STAB2: variants seen among roughly 807,000 people sequenced by gnomAD.
STAB2 encodes stabilin-2.
In STAB2, 288 loss-of-function variants were observed where a neutral mutation model predicts 338.1. The ratio of observed to expected loss-of-function variants is 0.85; its 90% confidence interval spans 0.77 to 0.94. The LOEUF is 0.94. Ranked by LOEUF, STAB2 falls within the 40% of genes least tolerant of loss-of-function variation. The pLI, the probability that STAB2 is intolerant of heterozygous loss-of-function variation, is 0.00. For synonymous variants in STAB2, 1,202 were observed against 1,193.3 expected (o/e 1.01, Z -0.15); for missense variants, 3,141 against 3,210.1 (o/e 0.98, Z 0.52).
chr12:103,765,005 T>G (rs1251695545), intron 68 of STAB2, among the ~76,000 whole-genome samples: 1 of 146,884 alleles, frequency 6.8e-6, no homozygotes, highest in Non-Finnish European at 1.5e-5. Flanking sequence ...ACAGAATCGC[T>G]TGAACTGGGA....
chr12:103,688,277 T>A, intron 28 of STAB2, 62 bp downstream of exon 28: 1 of 1,548,730 alleles, frequency 6.5e-7, no homozygotes, highest in Non-Finnish European at 8.9e-7. Flanking sequence ...TTGGAATGCA[T>A]ACAATAGAAA....
chr12:103,613,772 C>T (rs1024784062), intron 3 of STAB2, among the ~76,000 whole-genome samples: 4 of 152,170 alleles, frequency 2.6e-5, no homozygotes, highest in Non-Finnish European at 4.4e-5. Flanking sequence ...CCGTCTTCTG[C>T]GTCGCTCATG....
intron 31 of STAB2, among the ~76,000 whole-genome samples, chr12:103,693,368 T>A (rs1193737870): frequency 1.3e-5 from 2 of 151,222 alleles, no homozygotes; most frequent in African/African-American, 4.9e-5. Context: ...GCCCAGGAGG[T>A]CAAGACTGCA....
chr12:103,759,090 C>T, intron 64 of STAB2, 43 bp from the exon 65 acceptor site: 1 of 1,613,932 alleles, frequency 6.2e-7, no homozygotes, highest in Non-Finnish European at 8.5e-7. Context: ...CAAAATATTG[C>T]TTGGCCTTTG....
intron 33 of STAB2, among the ~76,000 whole-genome samples, chr12:103,698,199 G>A (rs1878565135): frequency 6.6e-6 from 1 of 152,152 alleles, no homozygotes. Flanking sequence ...TTGCAAAGGA[G>A]AAATGTGGGA....
At chr12:103,745,738 G>T (rs909879024) in intron 57 of STAB2, among the ~76,000 whole-genome samples, 20 of 152,180 alleles carry the variant, frequency 1.3e-4, no homozygotes, top group Middle Eastern at 3.2e-3. Flanking sequence ...TCCTTAAAAA[G>T]AACTCCATGC....
rs11304361 is a variant in STAB2 at position 103,714,687 on chromosome 12, C to CA, written c.4537+934dup. ...GGGCGATGGAGTGAGACTCCATTTC[C>CA]AAAAAAAAAAAAAAACCATTTAGCC... On this transcript the variant is annotated intron_variant, in intron 42 of 68. Coordinates refer to ENST00000388887, the MANE Select transcript of STAB2 (RefSeq NM_017564.10). 5.1e-3 allele frequency among the ~76,000 whole-genome samples: 587 copies of CA among 115,434 alleles called. 2 individuals carry two copies. Among genetic ancestry groups the CA allele is most frequent in the Admixed American group, 7.0e-3 (77 of 11,046 alleles). 75.7% of individuals were successfully genotyped at this position (115,434 alleles called of 152,430 possible).
At chr12:103,713,873 C>G in intron 42 of STAB2, 105 bp downstream of exon 42, 1 of 1,527,838 alleles carries the variant, frequency 6.5e-7, no homozygotes, top group East Asian at 2.3e-5. Flanking sequence ...AAACTGAGGT[C>G]AGTATTCCAT....
Position 103,766,174 on chromosome 12 carries a change from G to A in STAB2, c.7606-112G>A, listed in dbSNP as rs552972176. 7.4e-5 allele frequency: 102 copies of A among 1,378,700 alleles called. 1 individual carries two copies. In the South Asian group the frequency reaches 9.4e-4, roughly 13 times the overall value. The allele number at this position is 1,378,700 out of a possible 1,614,324, so 85.4% of individuals were successfully genotyped here. Reference sequence around the variant, plus strand: ...ACAAACAAACACGCCCAGCACATACGTGTTCACAGTGCTCAGGGAGAGTCA... The same window carrying A: ...ACAAACAAACACGCCCAGCACATACATGTTCACAGTGCTCAGGGAGAGTCA... On this transcript the variant is annotated intron_variant, in intron 68 of 68. Transcript: ENST00000388887.
Position 103,655,196 on chromosome 12 carries a change from T to G in STAB2, c.1552-55T>G. The G allele has an allele frequency of 2.7e-6, 4 of 1,504,934 alleles. No homozygotes were observed. In the South Asian group the frequency reaches 4.8e-5, roughly 18 times the overall value. The allele number at this position is 1,504,934 out of a possible 1,614,324, so 93.2% of individuals were successfully genotyped here. A position where few individuals can be genotyped will look rare whatever the true frequency, so the allele number is the denominator to read the frequency against. ...AGTCTTTAAATGTTAGAATTTGTAT[T>G]TCCTAAATCACAATATTTTATTTCC... On this transcript the variant is annotated intron_variant, in intron 13 of 68. Coordinates refer to ENST00000388887, the MANE Select transcript of STAB2 (RefSeq NM_017564.10).
At position 103,650,574 on chromosome 12, in the gene STAB2, T is replaced by G; in HGVS notation, c.1253T>G (p.Phe418Cys). Residue 418 changes from phenylalanine (F) to cysteine (C), a missense_variant, in exon 11 of 69, where the codon TTC becomes TGC. By Grantham distance (205) the Phe-to-Cys change is radical (BLOSUM62 -2). Transcript: ENST00000388887. ...CCTACAGACAAGGGACTGAAAGGAT[T>G]CAATGTGAGTATTTAAAATGACCCT... ...LLPTDKGLKG[F>C]NVNELLVDNK... 1 of 1,612,636 alleles carries G rather than the reference T, an allele frequency of 6.2e-7. No homozygotes were observed. Among genetic ancestry groups the G allele is most frequent in the Non-Finnish European group, 8.5e-7 (1 of 1,178,828 alleles).
At chr12:103,714,283 A>G (rs1030337345) in intron 42 of STAB2, among the ~76,000 whole-genome samples, 1 of 152,258 alleles carries the variant, frequency 6.6e-6, no homozygotes, top group African/African-American at 2.4e-5. Flanking sequence ...CTGTTCTACT[A>G]TAAAGGTATG....
chr12:103,587,805 C>T (rs1007283886), intron 1 of STAB2, among the ~76,000 whole-genome samples: 4 of 152,198 alleles, frequency 2.6e-5, no homozygotes, highest in African/African-American at 9.7e-5. Flanking sequence ...TGCTAACGAT[C>T]CTCTTTCCAG....
At chr12:103,661,026 C>A (rs921167480) in intron 17 of STAB2, among the ~76,000 whole-genome samples, 1 of 152,054 alleles carries the variant, frequency 6.6e-6, no homozygotes, top group Non-Finnish European at 1.5e-5. Context: ...ACTCACTGGG[C>A]AATGAGTTAA....
chr12:103,755,289 TGTATCC>T lies in STAB2; in HGVS notation c.6715-12_6715-7del, dbSNP rs1566080469. ...CTTGCAGCTGACCCATGGCCCTGTC[TGTATCC>T]CTGCAGGCCAAGTACCACCTGTGCT... is the stretch of plus-strand genomic sequence containing the variant. On this transcript the variant is annotated splice_region_variant and splice_polypyrimidine_tract_variant and intron_variant, in intron 61 of 68. Coordinates refer to ENST00000388887, the MANE Select transcript of STAB2 (RefSeq NM_017564.10). 4 of 1,613,068 alleles carry T rather than the reference TGTATCC, an allele frequency of 2.5e-6. No homozygotes were observed. Among genetic ancestry groups the T allele is most frequent in the Admixed American group, 3.3e-5 (2 of 59,972 alleles).
chr12:103,663,660 T>G (rs929878947), intron 18 of STAB2, among the ~76,000 whole-genome samples: 11 of 152,172 alleles, frequency 7.2e-5, no homozygotes, highest in Non-Finnish European at 1.5e-4. Context: ...CCTCTCCTCT[T>G]TTTATAAGGA....
intron 23 of STAB2, among the ~76,000 whole-genome samples, chr12:103,675,509 C>G (rs753010192): frequency 6.6e-6 from 1 of 152,172 alleles, no homozygotes; most frequent in Non-Finnish European, 1.5e-5. Context: ...TAGTATTGAG[C>G]AGGAAGAGTT....
At chr12:103,761,778 C>G (rs969744467) in intron 66 of STAB2, among the ~76,000 whole-genome samples, 1 of 152,182 alleles carries the variant, frequency 6.6e-6, no homozygotes, top group East Asian at 1.9e-4. Flanking sequence ...CATAATGCCT[C>G]CCTCCTGGGT....
Position 103,673,028 on chromosome 12 carries a change from A to C in STAB2, c.2372-879A>C, listed in dbSNP as rs554431607. Among the ~76,000 whole-genome samples, 4 of 152,280 alleles carry C rather than the reference A, an allele frequency of 2.6e-5. No individual in the cohort carries two copies. The East Asian group carries it at 7.7e-4, about 29-fold the overall frequency. On this transcript the variant is annotated intron_variant, in intron 22 of 68. Transcript: ENST00000388887. ...TACCTTCTGGGCCTGGTGACTATTA[A>C]TGAGATGGTGCATGTGGAAGGCTGA... is the stretch of plus-strand genomic sequence containing the variant.
Sources: gnomAD v4.1 joint callset for allele counts (sites outside exome capture counted in the v4.1 genomes callset) on GRCh38, gnomAD v4.1.1 for gene constraint, MANE v1.5 for transcripts, NCBI Gene and HGNC (gene_info 2026-07-23, HGNC 2026-07-21) for gene names.